Variants in ANGPTL5 observed in about 807,000 individuals in gnomAD.
ANGPTL5 encodes the protein angiopoietin like 5.
A neutral mutation model predicts 39.4 loss-of-function variants in ANGPTL5; 34 were observed. That is an observed-to-expected ratio of 0.86 (90% CI 0.66 to 1.15). The LOEUF (loss-of-function observed/expected upper bound fraction) is 1.15, where lower values mean the gene tolerates loss of function less well. Among genes scored for constraint, ANGPTL5 ranks in the 50% most tolerant of loss-of-function variants. The pLI, the probability that ANGPTL5 is intolerant of heterozygous loss-of-function variation, is 0.00. For synonymous variants in ANGPTL5, 146 were observed against 152.1 expected (o/e 0.96, Z 0.29); for missense variants, 467 against 457.5 (o/e 1.02, Z -0.19).
rs1940213129 is a variant in ANGPTL5 at position 101,916,374 on chromosome 11, G to C, written c.-448C>G. On this transcript the variant is annotated 5_prime_UTR_variant, in exon 1 of 9. Coordinates refer to ENST00000334289, the MANE Select transcript of ANGPTL5 (RefSeq NM_178127.5). ...GTTCTAGGGATACAAATCTAGTGAG[G>C]AAGACAAATGTGTATAGAGCTTCAC... 1 of 152,202 alleles carries C rather than the reference G, an allele frequency of 6.6e-6. No individual in the cohort carries two copies. Among genetic ancestry groups the C allele is most frequent in the Non-Finnish European group, 1.5e-5 (1 of 68,034 alleles). The allele number at this position is 152,202 out of a possible 1,614,324, so 9.4% of individuals were successfully genotyped here. A position where few individuals can be genotyped will look rare whatever the true frequency, so the allele number is the denominator to read the frequency against.
intron 1 of ANGPTL5, among the ~76,000 whole-genome samples, chr11:101,913,480 A>G (rs1940127921): frequency 6.6e-6 from 1 of 152,180 alleles, no homozygotes. Context: ...CTTCAGTTGG[A>G]GGCACACTCC....
intron 1 of ANGPTL5, chr11:101,915,018 GGTT>G (rs1430413673): frequency 2.5e-5 from 10 of 406,790 alleles, no homozygotes; most frequent in Non-Finnish European, 1.8e-5. Flanking sequence ...ACGCGCCGTC[GGTT>G]GTTGTCAAGA....
rs368293224 is a variant in ANGPTL5 at position 101,902,594 on chromosome 11, C to T, written c.540+27G>A. 1.3e-3 allele frequency: 1,902 copies of T among 1,474,064 alleles called. 31 individuals are homozygous for T. In the South Asian group the frequency reaches 0.02, roughly 16 times the overall value. The allele number at this position is 1,474,064 out of a possible 1,614,324, so 91.3% of individuals were successfully genotyped here. A position where few individuals can be genotyped will look rare whatever the true frequency, so the allele number is the denominator to read the frequency against. ...GATGTTTATCTTAGCCCACATAATACGGGAAAACTTCAAATACGGGAAATA... is the reference window on the plus strand; with the variant it reads ...GATGTTTATCTTAGCCCACATAATATGGGAAAACTTCAAATACGGGAAATA... On this transcript the variant is annotated intron_variant, in intron 6 of 8. Transcript: ENST00000334289.
In ANGPTL5 at chr11:101,916,238, CT is replaced by C; in HGVS notation, c.-313del. Reference sequence around the variant, plus strand: ...TCTCTTTCCAAGTTAACTCTGTTTTCTTATCCCCTTTGTCTCCAATTTCTAG... The same window carrying C: ...TCTCTTTCCAAGTTAACTCTGTTTTCTATCCCCTTTGTCTCCAATTTCTAG... On this transcript the variant is annotated 5_prime_UTR_variant, in exon 1 of 9. Coordinates refer to ENST00000334289, the MANE Select transcript of ANGPTL5 (RefSeq NM_178127.5). 2 of 152,300 alleles carry C rather than the reference CT, an allele frequency of 1.3e-5. No homozygotes were observed. Among genetic ancestry groups the C allele is most frequent in the Middle Eastern group, 3.4e-3 (1 of 294 alleles). The allele number at this position is 152,300 out of a possible 1,614,324, so 9.4% of individuals were successfully genotyped here.
At chr11:101,892,267 T>TC (rs72194463) in intron 8 of ANGPTL5, among the ~76,000 whole-genome samples, 44 of 152,020 alleles carry the variant, frequency 2.9e-4, no homozygotes, top group Non-Finnish European at 4.4e-4. Context: ...TTTGCTCTTG[T>TC]CCCCCCAGTC....
chr11:101,915,477 T>A, intron 1 of ANGPTL5: 2 of 1,555,952 alleles, frequency 1.3e-6, no homozygotes, highest in Non-Finnish European at 1.7e-6. Context: ...CTTTTTCCAA[T>A]TAGATTCCCA....
At position 101,891,023 on chromosome 11, in the gene ANGPTL5, A is replaced by C. The variant is rs2137046919; in HGVS notation, c.*256T>G. 1 of 281,580 alleles carries C rather than the reference A, an allele frequency of 3.6e-6. No homozygotes were observed. Among genetic ancestry groups the C allele is most frequent in the Admixed American group, 4.7e-5 (1 of 21,250 alleles). The allele number at this position is 281,580 out of a possible 1,614,324, so 17.4% of individuals were successfully genotyped here. A position where few individuals can be genotyped will look rare whatever the true frequency, so the allele number is the denominator to read the frequency against. On this transcript the variant is annotated 3_prime_UTR_variant, in exon 9 of 9. Transcript: ENST00000334289. Reference sequence around the variant, plus strand: ...TTTAAAATCACTATAAATTTTAGGAAGACAAGTTGTAGTTCACTTGAAACA... The same window carrying C: ...TTTAAAATCACTATAAATTTTAGGACGACAAGTTGTAGTTCACTTGAAACA...
At chr11:101,915,752 T>C (rs1360997811) in intron 1 of ANGPTL5, among the ~76,000 whole-genome samples, 1 of 152,246 alleles carries the variant, frequency 6.6e-6, no homozygotes, top group Non-Finnish European at 1.5e-5. Flanking sequence ...CTTCCTGATT[T>C]ATCGTACTAC....
At chr11:101,898,195 CCTGGGCAACACGA>C (rs553332776) in intron 7 of ANGPTL5, among the ~76,000 whole-genome samples, 156 of 152,246 alleles carry the variant, frequency 1.0e-3, no homozygotes, top group African/African-American at 3.5e-3. Flanking sequence ...TGCTCTCCAG[CCTGGGCAACACGA>C]GTGAAACTTC....
rs1939872762 is a variant in ANGPTL5 at position 101,900,465 on chromosome 11, C to T, written c.626G>A (p.Trp209Ter). The T allele has an allele frequency of 6.2e-7, 1 of 1,613,424 alleles. No homozygotes were observed. Among genetic ancestry groups the T allele is most frequent in the Non-Finnish European group, 8.5e-7 (1 of 1,179,692 alleles). The change falls in exon 7 of 9, where the codon TGG (tryptophan) becomes TAG (stop). Residue 209 changes from tryptophan to a stop codon, truncating the protein, a stop_gained. Coordinates refer to ENST00000334289, the MANE Select transcript of ANGPTL5 (RefSeq NM_178127.5). LOFTEE classifies it high-confidence loss of function. ...IDGIIDFQRLWCDYLDGFGDL... is the reference protein window; with the variant it reads ...IDGIIDFQRL ...TCCAAATCCATCCAGATAATCACAC[C>T]ACAACCTCTGGAAATCAATTATCCC...
intron 1 of ANGPTL5, among the ~76,000 whole-genome samples, chr11:101,914,108 T>C (rs1309525826): frequency 6.6e-6 from 1 of 152,250 alleles, no homozygotes; most frequent in East Asian, 1.9e-4. Context: ...GAAAAGTTTA[T>C]TATTTGAAAT....
chr11:101,913,308 A>G (rs530696681), intron 1 of ANGPTL5, among the ~76,000 whole-genome samples: 22 of 152,182 alleles, frequency 1.4e-4, no homozygotes, highest in Non-Finnish European at 2.8e-4. Context: ...CAAAATGAAC[A>G]TGGGTCATAT....
At chr11:101,911,316 G>A (rs1940089313) in intron 1 of ANGPTL5, among the ~76,000 whole-genome samples, 2 of 151,474 alleles carry the variant, frequency 1.3e-5, no homozygotes, top group African/African-American at 2.4e-5. Context: ...TAGAGATGGG[G>A]TTTCACCATG....
chr11:101,901,320 G>T (rs571997285), intron 6 of ANGPTL5, among the ~76,000 whole-genome samples: 32 of 151,828 alleles, frequency 2.1e-4, no homozygotes, highest in African/African-American at 6.5e-4. Flanking sequence ...GGGGTGGGGG[G>T]GTGTGTGTGC....
chr11:101,915,297 A>G (rs145606538), intron 1 of ANGPTL5: 2 of 1,613,404 alleles, frequency 1.2e-6, no homozygotes, highest in African/African-American at 1.3e-5. Flanking sequence ...GCTGGCGGGG[A>G]GGCCCGGAAC....
At chr11:101,904,993 C>T (rs56292946) in intron 4 of ANGPTL5, 86 bp from the exon 5 acceptor site, 29,818 of 943,770 alleles carry the variant, frequency 0.032, 557 homozygotes, top group Middle Eastern at 0.056. Flanking sequence ...CTCTGAAATA[C>T]GTAATGGTGC....
chr11:101,911,254 G>A (rs936140888), intron 1 of ANGPTL5, among the ~76,000 whole-genome samples: 7 of 151,386 alleles, frequency 4.6e-5, no homozygotes, highest in Non-Finnish European at 1.0e-4. Flanking sequence ...CTCCCAAGTA[G>A]CAGGGATTAC....
chr11:101,903,798 C>T (rs947433874), intron 5 of ANGPTL5, among the ~76,000 whole-genome samples: 2 of 152,100 alleles, frequency 1.3e-5, no homozygotes, highest in Admixed American at 6.6e-5. Flanking sequence ...CAGATTATTT[C>T]GATTTTTCTG....
chr11:101,890,771 C>T lies in ANGPTL5; in HGVS notation c.*508G>A, dbSNP rs1363766288. On this transcript the variant is annotated 3_prime_UTR_variant, in exon 9 of 9. Coordinates refer to ENST00000334289, the MANE Select transcript of ANGPTL5 (RefSeq NM_178127.5). ...AGAAAAACTATTTGGGCAGCAAACT[C>T]TTACTACTTTTAAAATGGTATGGCA... The T allele has an allele frequency of 6.6e-6, 1 of 152,366 alleles. No individual in the cohort carries two copies. The highest frequency in any genetic ancestry group is 2.4e-5 in the African/African-American group (1 of 41,420). The allele number at this position is 152,366 out of a possible 1,614,324, so 9.4% of individuals were successfully genotyped here.
Sources: gnomAD v4.1 joint callset for allele counts (sites outside exome capture counted in the v4.1 genomes callset) on GRCh38, gnomAD v4.1.1 for gene constraint, MANE v1.5 for transcripts, NCBI Gene and HGNC (gene_info 2026-07-23, HGNC 2026-07-21) for gene names.